TLN2: variants seen among roughly 807,000 people sequenced by gnomAD.
TLN2 encodes the protein talin 2.
In TLN2, 118 loss-of-function variants were observed where a neutral mutation model predicts 294.7. The observed-to-expected ratio is 0.40, with a 90% CI of 0.34 to 0.47. The LOEUF (loss-of-function observed/expected upper bound fraction) is 0.47, where lower values mean the gene tolerates loss of function less well. TLN2 is among the 20% of genes least tolerant of loss of function. TLN2 has a pLI of 0.84. For missense variants in TLN2, 3,083 were observed against 3,282.2 expected (o/e 0.94, Z 1.48); for synonymous variants, 1,431 against 1,304.5 (o/e 1.10, Z -2.09).
chr15:62,748,351 A>C lies in TLN2; in HGVS notation c.4026A>C (p.Arg1342Ser). ...NAKNLLAAAA[R>S]AVTESINQLI... ...AAAAAAAATTCTGTTTCTGTCACAG[A>C]GCTGTGACAGAGAGCATCAATCAAC... The change falls in exon 33 of 59, where the codon AGA becomes AGC. Residue 1342 changes from arginine to serine, a missense_variant and splice_region_variant. Transcript: ENST00000636159. The C allele has an allele frequency of 6.2e-7, 1 of 1,604,534 alleles. No homozygotes were observed. The highest frequency in any genetic ancestry group is 8.5e-7 in the Non-Finnish European group (1 of 1,175,116).
At chr15:62,797,742 T>G (rs952140103) in intron 48 of TLN2, among the ~76,000 whole-genome samples, 5 of 151,996 alleles carry the variant, frequency 3.3e-5, no homozygotes, top group African/African-American at 1.2e-4. Flanking sequence ...AGGAGCTCCC[T>G]GAAGGGAGAG....
intron 1 of TLN2, among the ~76,000 whole-genome samples, chr15:62,454,497 G>A (rs2036345877): frequency 6.6e-6 from 1 of 152,184 alleles, no homozygotes; most frequent in South Asian, 2.1e-4. Context: ...TGGGATGCCA[G>A]GTGGGGCACC....
intron 1 of TLN2, among the ~76,000 whole-genome samples, chr15:62,582,195 T>TACACACACACACACACACACACACACAC (rs67748452): frequency 2.6e-4 from 17 of 66,498 alleles, no homozygotes; most frequent in East Asian, 8.4e-4. Context: ...TGTGTATGCA[T>TACACACACACACACACACACACACACAC]ACACACACAC....
intron 37 of TLN2, among the ~76,000 whole-genome samples, chr15:62,757,244 C>G (rs1225273810): frequency 6.6e-6 from 1 of 152,182 alleles, no homozygotes. Context: ...CCCCTGCTTT[C>G]AGCCCTGGCA....
At chr15:62,717,998 T>C (rs1199281869) in intron 24 of TLN2, among the ~76,000 whole-genome samples, 1 of 152,188 alleles carries the variant, frequency 6.6e-6, no homozygotes, top group Non-Finnish European at 1.5e-5. Flanking sequence ...AAGTGTTGAG[T>C]TTCCAGAGTG....
chr15:62,758,085 G>A (rs2062419534), intron 37 of TLN2, among the ~76,000 whole-genome samples: 3 of 152,178 alleles, frequency 2.0e-5, no homozygotes, highest in Admixed American at 2.0e-4. Flanking sequence ...ATGCTGCTTA[G>A]TGCTGTTTTT....
At chr15:62,641,859 G>A (rs762766549) in intron 3 of TLN2, among the ~76,000 whole-genome samples, 2 of 152,282 alleles carry the variant, frequency 1.3e-5, no homozygotes, top group Non-Finnish European at 2.9e-5. Context: ...AGATCCAAGG[G>A]AAGGCTGCTC....
intron 28 of TLN2, among the ~76,000 whole-genome samples, chr15:62,734,414 A>G (rs1187201794): frequency 2.0e-5 from 3 of 152,194 alleles, no homozygotes; most frequent in African/African-American, 4.8e-5. Context: ...AGGGAGGCCC[A>G]GAGGGAAAAG....
chr15:62,773,943 T>C (rs1305650050), intron 42 of TLN2, among the ~76,000 whole-genome samples: 2 of 152,166 alleles, frequency 1.3e-5, no homozygotes, highest in East Asian at 3.8e-4. Flanking sequence ...GTTTGCAGTG[T>C]AGCCTCTCCC....
chr15:62,457,841 C>T (rs1461298131), intron 1 of TLN2, among the ~76,000 whole-genome samples: 1 of 152,154 alleles, frequency 6.6e-6, no homozygotes, highest in Middle Eastern at 3.2e-3. Flanking sequence ...CTTCAGGTCC[C>T]CTCTGCTGTG....
At chr15:62,441,472 T>C (rs139026152) in intron 1 of TLN2, among the ~76,000 whole-genome samples, 490 of 152,320 alleles carry the variant, frequency 3.2e-3, no homozygotes, top group Non-Finnish European at 4.6e-3. Context: ...AAACTAAAGA[T>C]AGAAGAAACC....
At chr15:62,832,356 A>C (rs926059377) in intron 54 of TLN2, 1 of 152,172 alleles carries the variant, frequency 6.6e-6, no homozygotes, top group Admixed American at 6.5e-5. Flanking sequence ...GAAAGGTACC[A>C]CCCACATCTT....
At chr15:62,400,226 C>T (rs892182075) in intron 1 of TLN2, among the ~76,000 whole-genome samples, 1 of 152,164 alleles carries the variant, frequency 6.6e-6, no homozygotes, top group Non-Finnish European at 1.5e-5. Context: ...TGTAAGTTTC[C>T]TCAGACCTCC....
At chr15:62,469,143 G>GA (rs776517734) in intron 1 of TLN2, among the ~76,000 whole-genome samples, 6 of 152,148 alleles carry the variant, frequency 3.9e-5, no homozygotes, top group Non-Finnish European at 5.9e-5. Flanking sequence ...ATTTGTGTTG[G>GA]AAAAAAGATT....
At chr15:62,628,198 G>A in intron 3 of TLN2, among the ~76,000 whole-genome samples, 1 of 152,202 alleles carries the variant, frequency 6.6e-6, no homozygotes, top group Non-Finnish European at 1.5e-5. Context: ...ACAAGGTGTG[G>A]ACTATAATTT....
At chr15:62,631,434 C>T (rs909877180) in intron 3 of TLN2, among the ~76,000 whole-genome samples, 4 of 151,162 alleles carry the variant, frequency 2.6e-5, no homozygotes, top group African/African-American at 9.7e-5. Flanking sequence ...TTCTTCCTTT[C>T]TTCCTTTCTT....
In TLN2 at chr15:62,658,037, TA is replaced by T. The variant is rs1215401615; in HGVS notation, c.788+140del. The T allele has an allele frequency of 3.6e-6, 3 of 843,326 alleles. No individual in the cohort carries two copies. The African/African-American group carries it at 5.2e-5, about 15-fold the overall frequency. The allele number at this position is 843,326 out of a possible 1,614,324, so 52.2% of individuals were successfully genotyped here. A position where few individuals can be genotyped will look rare whatever the true frequency, so the allele number is the denominator to read the frequency against. Reference sequence around the variant, plus strand: ...GAATGCTAGCTTTTCTTCCATCGAGTAGATGACCAAATTTGCAGATTTTGGG... The same window carrying T: ...GAATGCTAGCTTTTCTTCCATCGAGTGATGACCAAATTTGCAGATTTTGGG... On this transcript the variant is annotated intron_variant, in intron 9 of 58. Transcript: ENST00000636159.
chr15:62,675,142 C>A (rs772685775), intron 10 of TLN2, 75 bp from the exon 11 acceptor site: 21 of 1,361,142 alleles, frequency 1.5e-5, no homozygotes, highest in Middle Eastern at 1.8e-4. Flanking sequence ...CCACCACATA[C>A]AGTAACTACC....
At position 62,809,906 on chromosome 15, in the gene TLN2, C is replaced by G. The variant is rs1170244787; in HGVS notation, c.6664-19C>G. ...GGCTTTTCCCATGTTAAGATTTCAG[C>G]ATTCCTTTCTCTCTCCAGCAAGCAT... On this transcript the variant is annotated intron_variant, in intron 51 of 58. Transcript: ENST00000636159. The G allele has an allele frequency of 6.2e-7, 1 of 1,610,784 alleles. No individual in the cohort carries two copies. The highest frequency in any genetic ancestry group is 1.7e-5 in the Admixed American group (1 of 59,942).
Sources: allele counts gnomAD v4.1 joint callset (sites outside exome capture counted in the v4.1 genomes callset), GRCh38; gene constraint gnomAD v4.1.1; transcripts MANE v1.5; gene names NCBI Gene and HGNC (gene_info 2026-07-23, HGNC 2026-07-21).